The following PLD1 variants were observed in gnomAD, a reference collection of about 807,000 sequenced individuals.
PLD1 encodes choline phosphatase 1.
A neutral mutation model predicts 137.1 loss-of-function variants in PLD1; 112 were observed. The ratio of observed to expected loss-of-function variants is 0.82; its 90% confidence interval spans 0.70 to 0.96. The LOEUF is 0.96. Ranked by LOEUF, PLD1 falls within the 40% of genes least tolerant of loss-of-function variation. PLD1 has a pLI of 0.00. For synonymous variants in PLD1, 431 were observed against 454.7 expected (o/e 0.95, Z 0.66); for missense variants, 1,321 against 1,342.0 (o/e 0.98, Z 0.24).
chr3:171,660,530 T>C (rs998106994), intron 20 of PLD1, among the ~76,000 whole-genome samples: 3 of 152,230 alleles, frequency 2.0e-5, no homozygotes, highest in Non-Finnish European at 2.9e-5. Context: ...CCCAACTATG[T>C]ATACCTACAT....
intron 26 of PLD1, among the ~76,000 whole-genome samples, chr3:171,603,916 T>C (rs1425393525): frequency 6.6e-6 from 1 of 152,194 alleles, no homozygotes; most frequent in Non-Finnish European, 1.5e-5. Context: ...ATGTCTTTTA[T>C]AGATGTTTTC....
intron 1 of PLD1, among the ~76,000 whole-genome samples, chr3:171,796,051 G>A (rs1480466887): frequency 1.3e-5 from 2 of 152,088 alleles, no homozygotes; most frequent in Non-Finnish European, 2.9e-5. Context: ...CTGAGACATT[G>A]GTCTCTCCCA....
At chr3:171,675,252 G>T (rs946880744) in intron 18 of PLD1, among the ~76,000 whole-genome samples, 1 of 152,004 alleles carries the variant, frequency 6.6e-6, no homozygotes, top group Non-Finnish European at 1.5e-5. Context: ...TACTGATTAT[G>T]TTCTAGATAT....
chr3:171,731,412 A>G lies in PLD1; in HGVS notation c.606+2032T>C, dbSNP rs1718938409. On this transcript the variant is annotated intron_variant, in intron 6 of 26. Transcript: ENST00000351298. Reference sequence around the variant, plus strand: ...AAAAAGAATGTTAGAGAATTAATGTATATCAAATTGTATCCTATGCTTGAA... The same window carrying G: ...AAAAAGAATGTTAGAGAATTAATGTGTATCAAATTGTATCCTATGCTTGAA... Among the ~76,000 whole-genome samples the G allele has an allele frequency of 2.6e-5, 4 of 152,230 alleles. No individual in the cohort carries two copies. The South Asian group carries it at 8.3e-4, about 32-fold the overall frequency.
chr3:171,719,168 CT>C (rs1237464927), intron 8 of PLD1, among the ~76,000 whole-genome samples: 1 of 152,150 alleles, frequency 6.6e-6, no homozygotes, highest in Non-Finnish European at 1.5e-5. Flanking sequence ...ATGGTCTCTT[CT>C]TGTCAATCAA....
chr3:171,804,882 A>T (rs1291839956), intron 1 of PLD1, among the ~76,000 whole-genome samples: 1 of 152,220 alleles, frequency 6.6e-6, no homozygotes, highest in Non-Finnish European at 1.5e-5. Flanking sequence ...CAAAGGTATT[A>T]GCTCCCTGCT....
intron 23 of PLD1, among the ~76,000 whole-genome samples, chr3:171,632,416 G>C (rs190472241): frequency 5.1e-4 from 78 of 152,058 alleles, no homozygotes; most frequent in African/African-American, 1.8e-3. Context: ...TAAGACAACT[G>C]GCAATATTTC....
intron 1 of PLD1, among the ~76,000 whole-genome samples, chr3:171,764,175 A>G (rs1240751441): frequency 2.0e-5 from 3 of 152,078 alleles, no homozygotes; most frequent in Non-Finnish European, 2.9e-5. Flanking sequence ...GAGTTTCTCT[A>G]TGTTGCCCAG....
In PLD1 at chr3:171,708,741, G is replaced by C. The variant is rs767575511; in HGVS notation, c.1145+14C>G. On this transcript the variant is annotated intron_variant, in intron 11 of 26. Transcript: ENST00000351298. ...GAGACTTCCAGAAAAAAATTCCCAG[G>C]GACAAATACTAACCACCAGTCTGTG... is the stretch of plus-strand genomic sequence containing the variant. 1.4e-6 allele frequency: 2 copies of C among 1,465,786 alleles called. No homozygotes were observed. Among genetic ancestry groups the C allele is most frequent in the Admixed American group, 3.4e-5 (2 of 59,680 alleles). 90.8% of individuals were successfully genotyped at this position (1,465,786 alleles called of 1,614,324 possible).
chr3:171,705,009 C>T (rs902561791), intron 11 of PLD1, among the ~76,000 whole-genome samples: 2 of 152,136 alleles, frequency 1.3e-5, no homozygotes, highest in African/African-American at 2.4e-5. Context: ...TGACAGGAGG[C>T]GGAGCTCAGG....
At chr3:171,646,146 T>C (rs1736194128) in intron 21 of PLD1, among the ~76,000 whole-genome samples, 1 of 152,192 alleles carries the variant, frequency 6.6e-6, no homozygotes, top group African/African-American at 2.4e-5. Flanking sequence ...ATTAACGTTC[T>C]TGTCTCTATT....
chr3:171,808,999 A>G (rs926141119), intron 1 of PLD1, among the ~76,000 whole-genome samples: 4 of 151,530 alleles, frequency 2.6e-5, no homozygotes, highest in Non-Finnish European at 5.9e-5. Context: ...TAATTTTTGT[A>G]TTTTTAGTAG....
At chr3:171,791,698 T>C (rs1723217977) in intron 1 of PLD1, 1 of 152,234 alleles carries the variant, frequency 6.6e-6, no homozygotes, top group African/African-American at 2.4e-5. Flanking sequence ...GATCGAAGTA[T>C]TGACATGATA....
chr3:171,637,674 A>C (rs185094406), intron 23 of PLD1, among the ~76,000 whole-genome samples: 2 of 152,310 alleles, frequency 1.3e-5, no homozygotes, highest in Admixed American at 1.3e-4. Flanking sequence ...TTGTTTGAAC[A>C]TCATAAAGTG....
At chr3:171,713,810 A>G in intron 9 of PLD1, 83 bp downstream of exon 9, 3 of 1,205,624 alleles carry the variant, frequency 2.5e-6, no homozygotes, top group Non-Finnish European at 3.6e-6. Flanking sequence ...CACTTTTTAA[A>G]CTCCTTTTTT....
At chr3:171,635,895 T>G (rs1370148247) in intron 23 of PLD1, among the ~76,000 whole-genome samples, 1 of 151,380 alleles carries the variant, frequency 6.6e-6, no homozygotes, top group African/African-American at 2.4e-5. Context: ...ATAGTTTTAG[T>G]TTTTACATTT....
At chr3:171,775,027 C>A (rs1312566653) in intron 1 of PLD1, among the ~76,000 whole-genome samples, 2 of 152,070 alleles carry the variant, frequency 1.3e-5, no homozygotes, top group Non-Finnish European at 2.9e-5. Flanking sequence ...GAGTTTGTCC[C>A]TGGAAAATGT....
intron 16 of PLD1, among the ~76,000 whole-genome samples, chr3:171,681,311 A>G (rs1713947758): frequency 6.6e-6 from 1 of 152,224 alleles, no homozygotes; most frequent in African/African-American, 2.4e-5. Context: ...AGTAGAGGGT[A>G]TAGGTATTGT....
intron 16 of PLD1, among the ~76,000 whole-genome samples, chr3:171,685,067 G>C (rs1408003771): frequency 6.6e-6 from 1 of 152,200 alleles, no homozygotes; most frequent in Non-Finnish European, 1.5e-5. Context: ...GCCCGGGATG[G>C]CTTTGAATGT....
Sources: allele counts gnomAD v4.1 joint callset (sites outside exome capture counted in the v4.1 genomes callset), GRCh38; gene constraint gnomAD v4.1.1; transcripts MANE v1.5; gene names NCBI Gene and HGNC (gene_info 2026-07-23, HGNC 2026-07-21).